The following SENP6 variants were observed in gnomAD, a reference collection of about 807,000 sequenced individuals.
The protein encoded by SENP6 is SUMO specific peptidase 6.
In SENP6, 41 loss-of-function variants were observed where a neutral mutation model predicts 134.5. The ratio of observed to expected loss-of-function variants is 0.30; its 90% CI spans 0.24 to 0.40. The LOEUF is 0.40. Among genes scored for constraint, SENP6 ranks in the 10% least tolerant of loss-of-function variants. The pLI is 1.00. For missense variants in SENP6, 1,248 were observed against 1,312.5 expected (o/e 0.95, Z 0.76); for synonymous variants, 395 against 429.8 (o/e 0.92, Z 1.00).
intron 7 of SENP6, among the ~76,000 whole-genome samples, chr6:75,658,777 G>T (rs1771535103): frequency 6.6e-6 from 1 of 151,724 alleles, no homozygotes; most frequent in Non-Finnish European, 1.5e-5. Context: ...AAGGAAACCA[G>T]CCTGGGCAAC....
chr6:75,709,385 G>T, intron 19 of SENP6, 142 bp from the exon 20 acceptor site: 1 of 526,040 alleles, frequency 1.9e-6, no homozygotes, highest in Non-Finnish European at 3.4e-6. Flanking sequence ...CTTACTTTAT[G>T]TTTGTGATAT....
rs1395095570 is a variant in SENP6, at chr6:75,715,513, A to G, written c.3258A>G (p.Lys1086=). The change falls in exon 24 of 24, where the codon AAA becomes AAG. Residue 1086 remains lysine (K), a synonymous_variant. Coordinates refer to ENST00000447266, the MANE Select transcript of SENP6 (RefSeq NM_015571.4). ...TACAGGAAGATCAGAGCAAAGAGAA[A>G]AGAAAGCATAAGGACACTTACTCAA... is the stretch of plus-strand genomic sequence containing the variant. ...LKLQEDQSKE[K]RKHKDTYSTE... 2.5e-6 allele frequency: 4 copies of G among 1,613,462 alleles called. No individual in the cohort carries two copies. The highest frequency in any genetic ancestry group is 2.7e-5 in the African/African-American group (2 of 74,912).
At chr6:75,691,815 C>T (rs1306586881) in intron 16 of SENP6, among the ~76,000 whole-genome samples, 2 of 151,850 alleles carry the variant, frequency 1.3e-5, no homozygotes, top group African/African-American at 4.8e-5. Context: ...AGGATGGTCT[C>T]GATCTCCTGA....
In SENP6 at chr6:75,697,824, A is replaced by AAG. The variant is rs10642350; in HGVS notation, c.2288+307_2288+308insAG. On this transcript the variant is annotated intron_variant, in intron 18 of 23. Transcript: ENST00000447266. ...AGCAAGTAACCTATAGAAAAGTATT[A>AAG]TTTTATACAAAAAGATGATTAGGTC... The AAG allele has an allele frequency of 5.5e-3, 1,142 of 208,528 alleles. 16 individuals carry two copies. The highest frequency in any genetic ancestry group is 0.025 in the African/African-American group (1,092 of 43,862). 12.9% of individuals were successfully genotyped at this position (208,528 alleles called of 1,614,324 possible).
intron 20 of SENP6, 133 bp from the exon 21 acceptor site, chr6:75,711,195 G>A: frequency 1.7e-6 from 1 of 572,286 alleles, no homozygotes; most frequent in East Asian, 2.9e-5. Context: ...CATCTCTAGT[G>A]TCTAATCACC....
intron 21 of SENP6, among the ~76,000 whole-genome samples, chr6:75,712,027 A>C (rs1388656739): frequency 6.6e-6 from 1 of 152,192 alleles, no homozygotes; most frequent in Non-Finnish European, 1.5e-5. Flanking sequence ...TTTGGAGCAG[A>C]AATCACTATA....
At chr6:75,667,826 GTA>G (rs1467662680) in intron 10 of SENP6, among the ~76,000 whole-genome samples, 1 of 152,082 alleles carries the variant, frequency 6.6e-6, no homozygotes, top group Non-Finnish European at 1.5e-5. Context: ...AAAAGTTAAG[GTA>G]TATCCATATG....
intron 2 of SENP6, among the ~76,000 whole-genome samples, chr6:75,623,066 TA>T (rs896869373): frequency 6.6e-5 from 10 of 151,998 alleles, no homozygotes; most frequent in African/African-American, 9.7e-5. Context: ...TTTTAATCAT[TA>T]AAAAAAAGTT....
chr6:75,663,416 T>A lies in SENP6; in HGVS notation c.892T>A (p.Tyr298Asn), dbSNP rs1351304166. ...GAATTGTGATGACAGTAAACACACT[T>A]ATTTACAGACTAATGGAAAAGTCAT... is the stretch of plus-strand genomic sequence containing the variant. The part of the protein sequence containing the change: ...IVNCDDSKHT[Y>N]LQTNGKVILP... The change falls in exon 9 of 24, where the codon TAT becomes AAT. Residue 298 changes from tyrosine (Y) to asparagine (N), a missense_variant. Coordinates refer to ENST00000447266, the MANE Select transcript of SENP6 (RefSeq NM_015571.4). 6.2e-7 allele frequency: 1 copy of A among 1,613,632 alleles called. No individual in the cohort carries two copies. The highest frequency in any genetic ancestry group is 1.1e-5 in the South Asian group (1 of 91,054).
intron 21 of SENP6, 110 bp downstream of exon 21, chr6:75,711,526 C>A: frequency 1.6e-6 from 1 of 609,186 alleles, no homozygotes; most frequent in Middle Eastern, 4.6e-4. Flanking sequence ...CTCATAAATG[C>A]TGTCAGAGTC....
chr6:75,660,504 G>C (rs73753520), intron 8 of SENP6, among the ~76,000 whole-genome samples: 6,668 of 152,220 alleles, frequency 0.044, 242 homozygotes, highest in East Asian at 0.11. Context: ...AATTGTCCCA[G>C]ATTCCATGTG....
Position 75,694,712 on chromosome 6 carries a change from A to G in SENP6, c.2076-1092A>G, listed in dbSNP as rs1313540586. ...CAAGGATTTTCTATGATCATGTATT[A>G]TCACTTCATTTCTATTTCAGATATT... On this transcript the variant is annotated intron_variant, in intron 16 of 23. Coordinates refer to ENST00000447266, the MANE Select transcript of SENP6 (RefSeq NM_015571.4). 2.0e-5 allele frequency among the ~76,000 whole-genome samples: 3 copies of G among 152,312 alleles called. No individual in the cohort carries two copies. The East Asian group carries it at 5.8e-4, about 29-fold the overall frequency.
At chr6:75,630,221 C>T (rs2149835553) in intron 3 of SENP6, among the ~76,000 whole-genome samples, 1 of 152,196 alleles carries the variant, frequency 6.6e-6, no homozygotes, top group South Asian at 2.1e-4. Context: ...AGGCATGCAT[C>T]ACCACACCCG....
intron 7 of SENP6, among the ~76,000 whole-genome samples, chr6:75,649,545 T>C: frequency 6.6e-6 from 1 of 152,140 alleles, no homozygotes; most frequent in African/African-American, 2.4e-5. Context: ...TGAGATGGGG[T>C]CTCACTCTGT....
At chr6:75,679,748 T>C (rs1355043592) in intron 16 of SENP6, 1 of 152,234 alleles carries the variant, frequency 6.6e-6, no homozygotes, top group East Asian at 1.9e-4. Flanking sequence ...GTTTGTGATA[T>C]AAAATGGACA....
intron 7 of SENP6, among the ~76,000 whole-genome samples, chr6:75,656,815 C>T (rs1027431468): frequency 2.0e-5 from 3 of 152,018 alleles, no homozygotes; most frequent in South Asian, 2.1e-4. Flanking sequence ...TATAAATAAC[C>T]TTGATTTAGG....
At chr6:75,642,256 T>TA in intron 6 of SENP6, among the ~76,000 whole-genome samples, 1 of 152,368 alleles carries the variant, frequency 6.6e-6, no homozygotes, top group Admixed American at 6.5e-5. Context: ...TCCTGTAGTT[T>TA]ACATTCTTAT....
In SENP6 at chr6:75,636,366, T is replaced by C. The variant is rs117039081; in HGVS notation, c.458+1555T>C. ...TCTGTATAAGAATAAGCATTTCTTA[T>C]TCCAACTGCAGCATGACTGTCACTA... On this transcript the variant is annotated intron_variant, in intron 5 of 23. Transcript: ENST00000447266. Among the ~76,000 whole-genome samples the C allele has an allele frequency of 2.3e-3, 353 of 152,316 alleles. 1 individual carries two copies. Among genetic ancestry groups the C allele is most frequent in the Non-Finnish European group, 3.5e-3 (240 of 68,022 alleles).
intron 1 of SENP6, among the ~76,000 whole-genome samples, chr6:75,613,670 T>C (rs181949033): frequency 7.8e-4 from 119 of 152,212 alleles, no homozygotes; most frequent in African/African-American, 2.7e-3. Flanking sequence ...TTTTTTTTTT[T>C]CTTTAACTCT....
Sources: gnomAD v4.1 joint callset for allele counts (sites outside exome capture counted in the v4.1 genomes callset) on GRCh38, gnomAD v4.1.1 for gene constraint, MANE v1.5 for transcripts, NCBI Gene and HGNC (gene_info 2026-07-23, HGNC 2026-07-21) for gene names.